Variants in ADAM22 observed in about 807,000 individuals in gnomAD.
ADAM22 encodes the protein disintegrin and metalloproteinase domain-containing protein 22.
ADAM22 carries 65 observed loss-of-function variants against 144.6 expected under a neutral mutation model. The ratio of observed to expected loss-of-function variants is 0.45; its 90% confidence interval spans 0.37 to 0.55. ADAM22 has a LOEUF of 0.55. ADAM22 is among the 20% of genes least tolerant of loss of function. The pLI, the probability that ADAM22 is intolerant of heterozygous loss-of-function variation, is 0.00. For missense variants in ADAM22, 974 were observed against 1,184.9 expected (o/e 0.82, Z 2.61); for synonymous variants, 391 against 412.6 (o/e 0.95, Z 0.63).
intron 2 of ADAM22, among the ~76,000 whole-genome samples, chr7:87,955,454 T>G (rs974372441): frequency 6.6e-6 from 1 of 152,146 alleles, no homozygotes; most frequent in Non-Finnish European, 1.5e-5. Context: ...CCGCAGATTT[T>G]TGTGATCCGC....
chr7:87,944,835 T>G (rs970820774), intron 2 of ADAM22, among the ~76,000 whole-genome samples: 135 of 151,708 alleles, frequency 8.9e-4, no homozygotes, highest in African/African-American at 2.6e-3. Flanking sequence ...TTTTTTGTTT[T>G]TTTTTTTTTA....
Position 87,935,168 on chromosome 7 carries a change from C to T in ADAM22, c.228C>T (p.Gly76=), listed in dbSNP as rs368185027. 70 of 1,608,286 alleles carry T rather than the reference C, an allele frequency of 4.4e-5. No homozygotes were observed. The highest frequency in any genetic ancestry group is 5.7e-5 in the Non-Finnish European group (67 of 1,177,150). The change falls in exon 2 of 32, where the codon GGC becomes GGT. Residue 76 remains glycine, a synonymous_variant. Transcript: ENST00000413139. The part of the protein sequence containing the change: ...RHDALDTRVR[G]DLGGPQLTHV... ...ACGCGCTCGACACGCGGGTGCGGGG[C>T]GACCTCGGTGGCCCGCAGGTGAGAG...
chr7:88,138,824 A>T (rs1277722833), intron 14 of ADAM22, among the ~76,000 whole-genome samples: 1 of 152,226 alleles, frequency 6.6e-6, no homozygotes, highest in African/African-American at 2.4e-5. Context: ...TAGAGGTCAG[A>T]TGTGGCAAAA....
intron 2 of ADAM22, among the ~76,000 whole-genome samples, chr7:87,967,674 GGC>G (rs1421507541): frequency 6.6e-6 from 1 of 151,916 alleles, no homozygotes; most frequent in Non-Finnish European, 1.5e-5. Flanking sequence ...CAGGTATGGT[GGC>G]GTGTGCCTGT....
chr7:87,952,712 G>A (rs1232864021), intron 2 of ADAM22, among the ~76,000 whole-genome samples: 1 of 152,046 alleles, frequency 6.6e-6, no homozygotes, highest in Admixed American at 6.6e-5. Context: ...GTTTCAGAAG[G>A]AATGGTACCA....
chr7:87,989,387 A>ATTAT (rs1465357915), intron 3 of ADAM22, among the ~76,000 whole-genome samples: 1 of 151,832 alleles, frequency 6.6e-6, no homozygotes, highest in African/African-American at 2.4e-5. Flanking sequence ...ATTATTGTAT[A>ATTAT]TTATTTATTT....
intron 3 of ADAM22, among the ~76,000 whole-genome samples, chr7:88,009,931 A>T (rs2129459351): frequency 6.6e-6 from 1 of 152,320 alleles, no homozygotes; most frequent in Middle Eastern, 3.4e-3. Flanking sequence ...CACAATAGTG[A>T]TGTGAACCAC....
Position 88,053,624 on chromosome 7 carries a change from GAAAGAAAGAA to G in ADAM22, c.324-22000_324-21991del, listed in dbSNP as rs199836452. Among the ~76,000 whole-genome samples the G allele has an allele frequency of 4.6e-3, 534 of 116,422 alleles. 6 individuals are homozygous for G. In the East Asian group the frequency reaches 0.054, roughly 12 times the overall value. 76.4% of individuals were successfully genotyped at this position (116,422 alleles called of 152,430 possible). A position where few individuals can be genotyped will look rare whatever the true frequency, so the allele number is the denominator to read the frequency against. Reference sequence around the variant, plus strand: ...AGAAAGAAAGAAAGAAAGAAAGAAAGAAAGAAAGAAAGAAAGAAAGAAAGAAACCAAGTAA... The same window carrying G: ...AGAAAGAAAGAAAGAAAGAAAGAAAGAGAAAGAAAGAAAGAAACCAAGTAA... On this transcript the variant is annotated intron_variant, in intron 3 of 31. Coordinates refer to ENST00000413139, the MANE Select transcript of ADAM22 (RefSeq NM_001324418.2).
At chr7:88,100,459 C>G (rs1212225142) in intron 4 of ADAM22, among the ~76,000 whole-genome samples, 1 of 152,078 alleles carries the variant, frequency 6.6e-6, no homozygotes, top group Non-Finnish European at 1.5e-5. Flanking sequence ...CTTTTCTTAG[C>G]CTTTAGAATC....
chr7:88,071,379 C>A, intron 3 of ADAM22, among the ~76,000 whole-genome samples: 1 of 144,004 alleles, frequency 6.9e-6, no homozygotes, highest in African/African-American at 2.6e-5. Context: ...ACCATACCAG[C>A]TTTATGAAGT....
intron 18 of ADAM22, 124 bp downstream of exon 18, chr7:88,149,181 T>G (rs1186947252): frequency 1.5e-6 from 1 of 660,660 alleles, no homozygotes; most frequent in Non-Finnish European, 2.6e-6. Context: ...CATTTCTCCA[T>G]TTTTTTTAGG....
intron 20 of ADAM22, 61 bp downstream of exon 20, chr7:88,151,381 A>G (rs937090078): frequency 5.0e-6 from 8 of 1,592,206 alleles, no homozygotes; most frequent in Admixed American, 3.3e-5. Flanking sequence ...CTTCTCAAGG[A>G]CGTGTGTGCT....
At chr7:88,011,649 G>T (rs2129459837) in intron 3 of ADAM22, among the ~76,000 whole-genome samples, 1 of 152,190 alleles carries the variant, frequency 6.6e-6, no homozygotes, top group Non-Finnish European at 1.5e-5. Flanking sequence ...TGTCTTTAGA[G>T]GGAAGATGAG....
chr7:88,019,857 A>ATG (rs35909431), intron 3 of ADAM22, among the ~76,000 whole-genome samples: 29,375 of 138,738 alleles, frequency 0.21, 2,954 homozygotes, highest in South Asian at 0.26. Context: ...CTCAAAAAAT[A>ATG]TGTGTGTGTG....
At chr7:88,036,673 C>T (rs1801590833) in intron 3 of ADAM22, among the ~76,000 whole-genome samples, 1 of 152,056 alleles carries the variant, frequency 6.6e-6, no homozygotes, top group South Asian at 2.1e-4. Context: ...TAACTGTTCT[C>T]CCTTATCCTT....
intron 3 of ADAM22, among the ~76,000 whole-genome samples, chr7:88,044,289 A>G (rs553549591): frequency 1.7e-4 from 26 of 152,294 alleles, no homozygotes; most frequent in Non-Finnish European, 3.2e-4. Context: ...CATATCATCT[A>G]TGATTATGAT....
chr7:88,099,891 A>G (rs755669603), intron 4 of ADAM22, among the ~76,000 whole-genome samples: 1 of 152,136 alleles, frequency 6.6e-6, no homozygotes, highest in Non-Finnish European at 1.5e-5. Context: ...CTCTCAAAAC[A>G]TCTAAATACT....
intron 2 of ADAM22, among the ~76,000 whole-genome samples, chr7:87,954,928 G>A (rs552641797): frequency 5.3e-5 from 8 of 151,988 alleles, no homozygotes; most frequent in Middle Eastern, 3.4e-3. Flanking sequence ...TGATCGCATC[G>A]GCTCCTGAGG....
chr7:87,941,036 T>C (rs1457241742), intron 2 of ADAM22, among the ~76,000 whole-genome samples: 5 of 152,198 alleles, frequency 3.3e-5, no homozygotes, highest in African/African-American at 1.2e-4. Context: ...TATTTTGTGG[T>C]TTATTTTGTT....
Sources: gnomAD v4.1 joint callset for allele counts (sites outside exome capture counted in the v4.1 genomes callset) on GRCh38, gnomAD v4.1.1 for gene constraint, MANE v1.5 for transcripts, NCBI Gene and HGNC (gene_info 2026-07-23, HGNC 2026-07-21) for gene names.